MYH11: variants seen among roughly 807,000 people sequenced by gnomAD.
The protein encoded by MYH11 is myosin heavy chain 11.
MYH11 carries 80 observed loss-of-function variants against 246.6 expected under a neutral mutation model. That is an observed-to-expected ratio of 0.32 (90% CI 0.27 to 0.39). The LOEUF (loss-of-function observed/expected upper bound fraction) is 0.39. Ranked by LOEUF, MYH11 falls within the 10% of genes least tolerant of loss-of-function variation. MYH11 has a pLI of 1.00. For missense variants in MYH11, 2,158 were observed against 2,546.8 expected (o/e 0.85, Z 3.29); for synonymous variants, 1,071 against 1,015.5 (o/e 1.05, Z -1.04).
At chr16:15,709,298 C>T (rs1473938911) in intron 40 of MYH11, among the ~76,000 whole-genome samples, 1 of 151,864 alleles carries the variant, frequency 6.6e-6, no homozygotes, top group Non-Finnish European at 1.5e-5. Context: ...ACGCCAAGAG[C>T]ATTTGGTGAG....
chr16:15,732,901 C>G, intron 26 of MYH11, 193 bp from the exon 27 acceptor site: 1 of 650,356 alleles, frequency 1.5e-6, no homozygotes, highest in Non-Finnish European at 2.7e-6. Flanking sequence ...AAATGTGGAG[C>G]ATATCACCTG....
At chr16:15,836,211 C>T (rs1180614362) in intron 2 of MYH11, among the ~76,000 whole-genome samples, 3 of 152,016 alleles carry the variant, frequency 2.0e-5, no homozygotes, top group Non-Finnish European at 4.4e-5. Flanking sequence ...GCGACCCGTG[C>T]CCCACAACAT....
rs2040478111 is a variant in MYH11 at position 15,721,459 on chromosome 16, T to A, written c.4541A>T (p.Glu1514Val). ...RTNKMLKAEMEDLVSSKDDVG... is the reference protein window; with the variant it reads ...RTNKMLKAEMVDLVSSKDDVG... ...GTCATCCTTGGAGCTGACCAGGTCT[T>A]CCATTTCGGCTTTGAGCATTTTGTT... The change falls in exon 32 of 41, where the codon GAA (glutamate) becomes GTA (valine). Residue 1514 changes from glutamate to valine, a missense_variant. By Grantham distance (121) the Glu-to-Val change is moderately radical. Coordinates refer to ENST00000300036, the MANE Select transcript of MYH11 (RefSeq NM_002474.3). 4 of 1,614,184 alleles carry A rather than the reference T, an allele frequency of 2.5e-6. No homozygotes were observed. The South Asian group carries it at 3.3e-5, about 13-fold the overall frequency.
At chr16:15,769,185 G>A (rs916440779) in intron 9 of MYH11, among the ~76,000 whole-genome samples, 3 of 152,108 alleles carry the variant, frequency 2.0e-5, no homozygotes, top group Non-Finnish European at 2.9e-5. Context: ...GCATGGTGGT[G>A]GGCGCCTATA....
Position 15,717,359 on chromosome 16 carries a change from G to C in MYH11, c.5296-11C>G. On this transcript the variant is annotated splice_polypyrimidine_tract_variant and intron_variant, in intron 37 of 40. Coordinates refer to ENST00000300036, the MANE Select transcript of MYH11 (RefSeq NM_002474.3). ...GCTGAGCTGCTCGGCCTGGGGAGGA[G>C]AGTGAAGGCCATGAGGCGGACTCAG... The C allele has an allele frequency of 6.2e-7, 1 of 1,604,152 alleles. No homozygotes were observed. Among genetic ancestry groups the C allele is most frequent in the Non-Finnish European group, 8.5e-7 (1 of 1,179,870 alleles).
chr16:15,759,544 A>T (rs2041817490), intron 12 of MYH11, 32 bp downstream of exon 12: 1 of 1,613,764 alleles, frequency 6.2e-7, no homozygotes, highest in Non-Finnish European at 8.5e-7. Flanking sequence ...GACAACCAAG[A>T]CCATGGCTCT....
intron 40 of MYH11, among the ~76,000 whole-genome samples, chr16:15,710,568 G>A (rs1219076669): frequency 6.6e-6 from 1 of 152,028 alleles, no homozygotes; most frequent in Non-Finnish European, 1.5e-5. Context: ...AGAAAGGGAA[G>A]CAGAGACAGC....
At chr16:15,821,118 C>T (rs1278349841) in intron 3 of MYH11, among the ~76,000 whole-genome samples, 1 of 152,224 alleles carries the variant, frequency 6.6e-6, no homozygotes, top group African/African-American at 2.4e-5. Flanking sequence ...GCAATCCACC[C>T]ATCTGGGCTT....
chr16:15,736,479 A>C (rs1232399842), intron 25 of MYH11, among the ~76,000 whole-genome samples: 2 of 152,012 alleles, frequency 1.3e-5, no homozygotes, highest in Non-Finnish European at 2.9e-5. Flanking sequence ...GGGTCTTGCT[A>C]TGTTGCCCAT....
intron 3 of MYH11, among the ~76,000 whole-genome samples, chr16:15,813,051 C>A (rs1375126370): frequency 6.6e-6 from 1 of 152,116 alleles, no homozygotes; most frequent in Non-Finnish European, 1.5e-5. Flanking sequence ...CCTGTAATCC[C>A]AGCTACTCAG....
At chr16:15,781,107 T>C (rs1229829878) in intron 6 of MYH11, among the ~76,000 whole-genome samples, 1 of 152,192 alleles carries the variant, frequency 6.6e-6, no homozygotes. Flanking sequence ...GGTTTCCCCA[T>C]GTTGCCCAGG....
intron 8 of MYH11, chr16:15,775,768 A>G (rs2042207414): frequency 2.6e-6 from 1 of 378,430 alleles, no homozygotes; most frequent in Admixed American, 4.3e-5. Context: ...CCTTTCCTTG[A>G]AGGCGTAGAT....
rs754808294 is a variant in MYH11 at position 15,838,160 on chromosome 16, G to A, written c.93C>T (p.Ala31=). ...INSPVAQADW[A]AKRLVWVPSE... ...AGGGGACCCAGACGAGTCTCTTGGC[G>A]GCCCAGTCAGCCTGGGCCACTGGGC... Residue 31 remains alanine, a synonymous_variant, in exon 2 of 41, where the codon GCC becomes GCT. Coordinates refer to ENST00000300036, the MANE Select transcript of MYH11 (RefSeq NM_002474.3). The A allele has an allele frequency of 1.5e-5, 25 of 1,613,974 alleles. No homozygotes were observed. The highest frequency in any genetic ancestry group is 5.3e-5 in the African/African-American group (4 of 74,886).
rs117654175 is a variant in MYH11 at position 15,818,092 on chromosome 16, C to T, written c.502+5163G>A. The stretch of plus-strand genomic sequence containing the variant: ...TCAGGAACTTACTGTCTATGTGACA[C>T]AACTGCAATGCTTCATCTTATATTC... On this transcript the variant is annotated intron_variant, in intron 3 of 40. Coordinates refer to ENST00000300036, the MANE Select transcript of MYH11 (RefSeq NM_002474.3). 2.8e-4 allele frequency among the ~76,000 whole-genome samples: 42 copies of T among 152,304 alleles called. No homozygotes were observed. The East Asian group carries it at 5.2e-3, about 19-fold the overall frequency.
At chr16:15,798,227 C>G (rs535522340) in intron 4 of MYH11, among the ~76,000 whole-genome samples, 1 of 152,212 alleles carries the variant, frequency 6.6e-6, no homozygotes, top group African/African-American at 2.4e-5. Flanking sequence ...TACCAATCAC[C>G]AAATATGGCA....
chr16:15,824,229 G>A (rs1243712056), intron 2 of MYH11, among the ~76,000 whole-genome samples: 1 of 152,014 alleles, frequency 6.6e-6, no homozygotes, highest in Non-Finnish European at 1.5e-5. Flanking sequence ...AACCCAACCA[G>A]TGACGGGAGC....
intron 3 of MYH11, among the ~76,000 whole-genome samples, chr16:15,799,512 CTT>C (rs1567183722): frequency 6.6e-6 from 1 of 152,202 alleles, no homozygotes; most frequent in Admixed American, 6.5e-5. Context: ...GTCAGTCTCT[CTT>C]GTTTACCACC....
chr16:15,747,033 A>C (rs1331139968), intron 19 of MYH11, among the ~76,000 whole-genome samples: 1 of 151,840 alleles, frequency 6.6e-6, no homozygotes, highest in African/African-American at 2.4e-5. Flanking sequence ...GGTTGCAGTG[A>C]GTTGAGACTG....
chr16:15,747,917 A>T lies in MYH11; in HGVS notation c.2207T>A (p.Ile736Asn). Residue 736 changes from isoleucine to asparagine, a missense_variant, in exon 18 of 41, where the codon ATC becomes AAC. By Grantham distance (149) the Ile-to-Asn change is moderately radical (BLOSUM62 -3). Coordinates refer to ENST00000300036, the MANE Select transcript of MYH11 (RefSeq NM_002474.3). The part of the protein sequence containing the change: ...QRYEILAANA[I>N]PKGFMDGKQA... ...CTTCCCGTCCATGAAGCCTTTGGGG[A>T]TGGCATTCGCCGCCAGGATCTCGTA... 1 of 1,613,942 alleles carries T rather than the reference A, an allele frequency of 6.2e-7. No homozygotes were observed.
Sources: gnomAD v4.1 joint callset for allele counts (sites outside exome capture counted in the v4.1 genomes callset) on GRCh38, gnomAD v4.1.1 for gene constraint, MANE v1.5 for transcripts, NCBI Gene and HGNC (gene_info 2026-07-23, HGNC 2026-07-21) for gene names.